The following RAB40B variants were observed in gnomAD, a reference collection of about 807,000 sequenced individuals.
RAB40B encodes RAB40B, member RAS oncogene family, also known as ras-related protein Rab-40B.
In RAB40B, 21 loss-of-function variants were observed where a neutral mutation model predicts 24.0. The ratio of observed to expected loss-of-function variants is 0.88; its 90% CI spans 0.62 to 1.26. The LOEUF is 1.26. Among genes scored for constraint, RAB40B ranks in the 50% most tolerant of loss-of-function variants. RAB40B has a pLI of 0.00. For synonymous variants in RAB40B, 167 were observed against 169.8 expected, an observed-to-expected ratio of 0.98 and a Z score of 0.13; for missense variants, 348 against 390.5, an observed-to-expected ratio of 0.89 and a Z score of 0.92.
At chr17:82,672,307 T>TACCC (rs1555657229) in intron 1 of RAB40B, among the ~76,000 whole-genome samples, 1 of 56,938 alleles carries the variant, frequency 1.8e-5, no homozygotes. Context: ...ACGCTCCCTG[T>TACCC]ACTGACACAC....
chr17:82,658,705 G>C lies in RAB40B; in HGVS notation c.351C>G (p.Pro117=). 1 of 1,608,974 alleles carries C rather than the reference G, an allele frequency of 6.2e-7. No individual in the cohort carries two copies. Residue 117 remains proline, a synonymous_variant, in exon 5 of 6, where the codon CCC becomes CCG. Transcript: ENST00000571995. ...RWIKEIDEHA[P]GVPKILVGNR... The stretch of plus-strand genomic sequence containing the variant: ...TCCCCACCAGGATCTTGGGGACTCC[G>C]GGGGCATGCTAGCGGGCAGGAGAAA...
chr17:82,698,648 A>G lies in RAB40B; in HGVS notation c.-52T>C. The G allele has an allele frequency of 4.1e-6, 5 of 1,230,554 alleles. No homozygotes were observed. The highest frequency in any genetic ancestry group is 5.1e-6 in the Non-Finnish European group (5 of 975,282). 76.2% of individuals were successfully genotyped at this position (1,230,554 alleles called of 1,614,324 possible). A position where few individuals can be genotyped will look rare whatever the true frequency, so the allele number is the denominator to read the frequency against. On this transcript the variant is annotated 5_prime_UTR_variant, in exon 1 of 6. Transcript: ENST00000571995. ...GCCCGGCCTGCGGGGCTGAGCGCAG[A>G]GGCGGCGGCCCGGCCCCGAGAGGCG...
At chr17:82,668,300 C>T (rs902995471) in intron 1 of RAB40B, 3 of 154,454 alleles carry the variant, frequency 1.9e-5, no homozygotes, top group Non-Finnish European at 4.4e-5. Context: ...GCACATCCCC[C>T]CTCTGACAAA....
intron 1 of RAB40B, among the ~76,000 whole-genome samples, chr17:82,672,827 G>A (rs1292558045): frequency 6.6e-6 from 1 of 152,178 alleles, no homozygotes; most frequent in Non-Finnish European, 1.5e-5. Context: ...CCAGGTAGAC[G>A]CCATCCACAG....
At chr17:82,680,268 T>C (rs544250449) in intron 1 of RAB40B, among the ~76,000 whole-genome samples, 1 of 152,038 alleles carries the variant, frequency 6.6e-6, no homozygotes, top group South Asian at 2.1e-4. Context: ...CCCAGGGGAG[T>C]GGCCATAGGA....
At chr17:82,690,134 C>A (rs1462478269) in intron 1 of RAB40B, among the ~76,000 whole-genome samples, 1 of 152,150 alleles carries the variant, frequency 6.6e-6, no homozygotes, top group African/African-American at 2.4e-5. Flanking sequence ...AGAAGAGTAG[C>A]TGTATTAATC....
chr17:82,661,066 A>T lies in RAB40B; in HGVS notation c.204-19T>A. 1 of 1,613,608 alleles carries T rather than the reference A, an allele frequency of 6.2e-7. No individual in the cohort carries two copies. Among genetic ancestry groups the T allele is most frequent in the Non-Finnish European group, 8.5e-7 (1 of 1,179,842 alleles). ...AGTATCCCTGGAAAAGATGTTGGAGACCATTAAGAAGAAACCAGTGCTTCT... is the reference window on the plus strand; with the variant it reads ...AGTATCCCTGGAAAAGATGTTGGAGTCCATTAAGAAGAAACCAGTGCTTCT... On this transcript the variant is annotated intron_variant, in intron 2 of 5. Transcript: ENST00000571995.
chr17:82,661,590 A>G (rs2046173216), intron 2 of RAB40B, among the ~76,000 whole-genome samples: 1 of 152,168 alleles, frequency 6.6e-6, no homozygotes, highest in Non-Finnish European at 1.5e-5. Context: ...ACGGAGCTCC[A>G]AGAAACAAAT....
Position 82,657,442 on chromosome 17 carries a change from A to C in RAB40B, c.*421T>G. The C allele has an allele frequency of 3.0e-6, 1 of 329,090 alleles. No individual in the cohort carries two copies. The highest frequency in any genetic ancestry group is 2.5e-5 in the South Asian group (1 of 39,838). The allele number at this position is 329,090 out of a possible 1,614,324, so 20.4% of individuals were successfully genotyped here. A position where few individuals can be genotyped will look rare whatever the true frequency, so the allele number is the denominator to read the frequency against. On this transcript the variant is annotated 3_prime_UTR_variant, in exon 6 of 6. Transcript: ENST00000571995. Reference sequence around the variant, plus strand: ...TTTGACATTGAAAAGGAGGTTTACAAAAAGACCCCTCTCGTAATATCAGTG... The same window carrying C: ...TTTGACATTGAAAAGGAGGTTTACACAAAGACCCCTCTCGTAATATCAGTG...
intron 1 of RAB40B, among the ~76,000 whole-genome samples, chr17:82,695,250 G>GGTGT (rs1412815849): frequency 6.7e-6 from 1 of 149,888 alleles, no homozygotes; most frequent in African/African-American, 2.5e-5. Context: ...GGAGTGCAAT[G>GGTGT]GTGTGATCTC....
chr17:82,658,342 G>C, intron 5 of RAB40B, 149 bp downstream of exon 5: 2 of 1,092,418 alleles, frequency 1.8e-6, no homozygotes. Flanking sequence ...CAAAGCTGTA[G>C]TCATTACTTC....
In RAB40B at chr17:82,674,539, T is replaced by C. The variant is rs909214812; in HGVS notation, c.143-9983A>G. Among the ~76,000 whole-genome samples, 47 of 144,578 alleles carry C rather than the reference T, an allele frequency of 3.3e-4. 1 individual carries two copies. Among genetic ancestry groups the C allele is most frequent in the Non-Finnish European group, 5.6e-4 (37 of 66,278 alleles). The allele number at this position is 144,578 out of a possible 152,430, so 94.8% of individuals were successfully genotyped here. A position where few individuals can be genotyped will look rare whatever the true frequency, so the allele number is the denominator to read the frequency against. Reference sequence around the variant, plus strand: ...CTGTAGTCCCAGCTACTCGGGAGGCTGAGGCAGGAGAATGGCGTGAACCCA... The same window carrying C: ...CTGTAGTCCCAGCTACTCGGGAGGCCGAGGCAGGAGAATGGCGTGAACCCA... On this transcript the variant is annotated intron_variant, in intron 1 of 5. Coordinates refer to ENST00000571995, the MANE Select transcript of RAB40B (RefSeq NM_006822.3).
chr17:82,689,774 C>T (rs181799536), intron 1 of RAB40B, among the ~76,000 whole-genome samples: 2 of 152,122 alleles, frequency 1.3e-5, no homozygotes, highest in Admixed American at 1.3e-4. Flanking sequence ...CAAGATCAGC[C>T]TGGCCAAGAT....
At chr17:82,693,385 AACTACAC>A (rs756467479) in intron 1 of RAB40B, among the ~76,000 whole-genome samples, 1 of 152,214 alleles carries the variant, frequency 6.6e-6, no homozygotes, top group Non-Finnish European at 1.5e-5. Context: ...TGCAAAGGCA[AACTACAC>A]ACCACAGAAG....
intron 1 of RAB40B, among the ~76,000 whole-genome samples, chr17:82,686,104 C>CTTTTTTT (rs35256137): frequency 8.1e-6 from 1 of 123,422 alleles, no homozygotes; most frequent in African/African-American, 3.0e-5. Context: ...ACCCAGCCTT[C>CTTTTTTT]TTTTTTTTTT....
intron 1 of RAB40B, among the ~76,000 whole-genome samples, chr17:82,691,171 T>C (rs980688916): frequency 6.6e-6 from 1 of 152,218 alleles, no homozygotes; most frequent in Non-Finnish European, 1.5e-5. Flanking sequence ...CTCAAGATGA[T>C]TCCCCCTCTC....
chr17:82,678,617 C>T (rs1294118282), intron 1 of RAB40B, among the ~76,000 whole-genome samples: 4 of 152,164 alleles, frequency 2.6e-5, no homozygotes, highest in Admixed American at 6.5e-5. Context: ...AATGTACAGA[C>T]GTATTCATCT....
In RAB40B at chr17:82,692,990, T is replaced by A. The variant is rs2046573546; in HGVS notation, c.142+5465A>T. On this transcript the variant is annotated intron_variant, in intron 1 of 5. Transcript: ENST00000571995. The surrounding 1 kb of genome is among the most constrained non-coding windows in gnomAD (Gnocchi z 4.0). ...ACATAAGACTTGGGCATTTTTCTTC[T>A]TTCTGTTTCTATTTTTTTTCTTTTT... Among the ~76,000 whole-genome samples the A allele has an allele frequency of 6.6e-6, 1 of 151,454 alleles. No homozygotes were observed. The highest frequency in any genetic ancestry group is 1.5e-5 in the Non-Finnish European group (1 of 67,882).
At chr17:82,687,969 G>A (rs2046518659) in intron 1 of RAB40B, among the ~76,000 whole-genome samples, 1 of 152,064 alleles carries the variant, frequency 6.6e-6, no homozygotes, top group South Asian at 2.1e-4. Context: ...CCAACTGGGG[G>A]GCTGAGGTGA....
Sources: allele counts gnomAD v4.1 joint callset (sites outside exome capture counted in the v4.1 genomes callset), GRCh38; gene constraint gnomAD v4.1.1; non-coding constraint Gnocchi (gnomAD v3.1); transcripts MANE v1.5; gene names NCBI Gene and HGNC (gene_info 2026-07-23, HGNC 2026-07-21).